Variants in GAB3 observed in about 807,000 individuals in gnomAD.
GAB3 encodes the protein GRB2 associated binding protein 3, also known as GRB2-associated-binding protein 3.
In GAB3, 12 loss-of-function variants were observed where a neutral mutation model predicts 40.4. That is an observed-to-expected ratio of 0.30 (90% confidence interval 0.19 to 0.48). GAB3 has a LOEUF of 0.48. Ranked by LOEUF, GAB3 falls within the 20% of genes least tolerant of loss-of-function variation. The probability of loss-of-function intolerance (pLI) is 0.99; values close to 1 mark genes in which losing one functional copy is unlikely to be tolerated. For missense variants in GAB3, 381 were observed against 461.9 expected, an observed-to-expected ratio of 0.82 and a Z score of 1.61; for synonymous variants, 154 against 176.7, an observed-to-expected ratio of 0.87 and a Z score of 1.02.
chrX:154,680,066 A>T (rs1557246486), intron 9 of GAB3, 66 bp downstream of exon 9: 1 of 725,584 alleles, frequency 1.4e-6, no homozygotes, highest in Non-Finnish European at 2.1e-6. Context: ...GCATGGTTTG[A>T]TAATCAGAAA....
chrX:154,727,955 AAGTGGCCCGCCTGGATTGTATCC>A (rs1346855566), intron 1 of GAB3, among the ~76,000 whole-genome samples: 1 of 112,079 alleles, frequency 8.9e-6, no homozygotes, highest in African/African-American at 3.2e-5. Context: ...AATAAAATTG[AAGTGGCCCGCCTGGATTGTATCC>A]ATTGTCAAAA....
chrX:154,708,320 C>A (rs781841496), intron 4 of GAB3, among the ~76,000 whole-genome samples: 1 of 112,090 alleles, frequency 8.9e-6, no homozygotes, highest in African/African-American at 3.2e-5. Context: ...TATTGATTGA[C>A]AATGATATTT....
intron 1 of GAB3, among the ~76,000 whole-genome samples, chrX:154,744,385 T>C (rs1283955281): frequency 9.1e-6 from 1 of 109,736 alleles, no homozygotes; most frequent in African/African-American, 3.3e-5. Context: ...AAAAAGACAA[T>C]AGAAAGAAGA....
intron 1 of GAB3, among the ~76,000 whole-genome samples, chrX:154,728,819 C>T (rs1249907798): frequency 2.7e-5 from 3 of 112,346 alleles, no homozygotes; most frequent in Non-Finnish European, 3.8e-5. Flanking sequence ...GCATACAATA[C>T]GTACTCAATG....
intron 1 of GAB3, among the ~76,000 whole-genome samples, chrX:154,741,675 CAAAAA>C (rs1206111123): frequency 3.8e-5 from 1 of 26,518 alleles, no homozygotes; most frequent in Admixed American, 4.6e-4. Flanking sequence ...GACTCCATCT[CAAAAA>C]AAAAAAAAAA....
At chrX:154,696,965 T>A (rs1416618227) in intron 7 of GAB3, among the ~76,000 whole-genome samples, 167 bp downstream of exon 7, 1 of 112,410 alleles carries the variant, frequency 8.9e-6, no homozygotes, top group Non-Finnish European at 1.9e-5. Context: ...GACCCAGACA[T>A]ATTCCTTCCT....
At chrX:154,749,064 C>T (rs1194612855) in intron 1 of GAB3, among the ~76,000 whole-genome samples, 1 of 111,842 alleles carries the variant, frequency 8.9e-6, no homozygotes, top group Non-Finnish European at 1.9e-5. Flanking sequence ...AGGTTTATGT[C>T]TTGGAGTGTT....
intron 4 of GAB3, among the ~76,000 whole-genome samples, chrX:154,707,354 A>G (rs185350193): frequency 1.8e-5 from 2 of 112,432 alleles, no homozygotes; most frequent in African/African-American, 3.2e-5. Context: ...AAGTGCTTCA[A>G]CCACAAAAAA....
At chrX:154,702,591 G>T (rs2070753869) in intron 4 of GAB3, among the ~76,000 whole-genome samples, 1 of 112,070 alleles carries the variant, frequency 8.9e-6, no homozygotes, top group Admixed American at 9.5e-5. Context: ...AAAAACTTCT[G>T]CACAGCAAAG....
chrX:154,711,604 C>T, intron 4 of GAB3, among the ~76,000 whole-genome samples: 1 of 111,803 alleles, frequency 8.9e-6, no homozygotes, highest in Non-Finnish European at 1.9e-5. Context: ...TTTGTACAGC[C>T]ACTTAGAATT....
rs1486146834 is a variant in GAB3, at chrX:154,734,283, T to G, written c.72+16671A>C. Among the ~76,000 whole-genome samples the G allele has an allele frequency of 8.8e-5, 10 of 113,257 alleles. No individual in the cohort carries two copies. The Admixed American group carries it at 9.3e-4, about 10-fold the overall frequency. On this transcript the variant is annotated intron_variant, in intron 1 of 9. Coordinates refer to ENST00000424127, the MANE Select transcript of GAB3 (RefSeq NM_001081573.3). ...AGCCATTCCCCTTTGGGGGCCTAGC[T>G]GTCACTTTGCTGCTGTTGCCTTTTA...
Position 154,675,458 on chromosome X carries a change from C to T in GAB3, c.*2720G>A, listed in dbSNP as rs985106263. ...GAAGTGGACTGTACAGTGGGTAGGT[C>T]GCTTCGTGTCTTTATAGCCAGGCTG... On this transcript the variant is annotated 3_prime_UTR_variant, in exon 10 of 10. Transcript: ENST00000424127. 2.3e-4 allele frequency: 26 copies of T among 111,249 alleles called. No individual in the cohort carries two copies. Among genetic ancestry groups the T allele is most frequent in the African/African-American group, 8.2e-4 (25 of 30,579 alleles). 9.2% of individuals were successfully genotyped at this position (111,249 alleles called of 1,213,427 possible).
chrX:154,714,259 T>A (rs1159208309), intron 2 of GAB3, among the ~76,000 whole-genome samples: 1 of 111,779 alleles, frequency 8.9e-6, no homozygotes, highest in Admixed American at 9.5e-5. Flanking sequence ...GACCCAGAAC[T>A]AACTAGGTTC....
At chrX:154,724,342 TTAAA>T (rs782217148) in intron 1 of GAB3, among the ~76,000 whole-genome samples, 4,169 of 104,760 alleles carry the variant, frequency 0.04, 99 homozygotes, top group Middle Eastern at 0.053. Context: ...AGACTTCATC[TTAAA>T]TAAATAAATA....
intron 1 of GAB3, 30 bp downstream of exon 1, chrX:154,750,924 G>A: frequency 1.3e-6 from 1 of 771,818 alleles, no homozygotes; most frequent in East Asian, 1.3e-4. Context: ...GGGACGCGAA[G>A]GCCGGGCGGG....
intron 5 of GAB3, 102 bp from the exon 6 acceptor site, chrX:154,699,615 C>A (rs2070710876): frequency 1.5e-6 from 1 of 650,379 alleles, no homozygotes; most frequent in East Asian, 3.5e-5. Flanking sequence ...CCAAATTATC[C>A]AAGTATAACT....
chrX:154,690,481 A>G (rs782226088), intron 8 of GAB3, among the ~76,000 whole-genome samples: 23 of 112,031 alleles, frequency 2.1e-4, no homozygotes, highest in African/African-American at 7.1e-4. Context: ...TGAACAGGCA[A>G]CCTACAAAAT....
chrX:154,714,220 T>C (rs782775794), intron 2 of GAB3, among the ~76,000 whole-genome samples: 1 of 111,443 alleles, frequency 9.0e-6, no homozygotes, highest in Admixed American at 9.5e-5. Flanking sequence ...TTGAACCAAG[T>C]TAATAGTCCA....
At chrX:154,751,219 G>A (rs1165978419), upstream of GAB3, 785 of 226,570 alleles carry the variant, frequency 3.5e-3, 3 homozygotes, top group Non-Finnish European at 4.4e-3. Flanking sequence ...AAGACGGCGG[G>A]AAAAGCAAGC....
Sources: gnomAD v4.1 joint callset for allele counts (sites outside exome capture counted in the v4.1 genomes callset) on GRCh38, gnomAD v4.1.1 for gene constraint, MANE v1.5 for transcripts, NCBI Gene and HGNC (gene_info 2026-07-23, HGNC 2026-07-21) for gene names.